KCNT2: variants seen among roughly 807,000 people sequenced by gnomAD.
KCNT2 encodes potassium channel subfamily T member 2.
In KCNT2, 67 loss-of-function variants were observed where a neutral mutation model predicts 153.8. That is an observed-to-expected ratio of 0.44 (90% CI 0.36 to 0.53). The LOEUF is 0.53. KCNT2 is among the 20% of genes least tolerant of loss of function. KCNT2 has a pLI of 0.00. For synonymous variants in KCNT2, 500 were observed against 458.8 expected (o/e 1.09, Z -1.15); for missense variants, 975 against 1,354.8 (o/e 0.72, Z 4.40).
In KCNT2 at chr1:196,333,941, C is replaced by A. The variant is rs760051450; in HGVS notation, c.1903G>T (p.Val635Phe). 1.2e-6 allele frequency: 2 copies of A among 1,612,564 alleles called. No homozygotes were observed. Among genetic ancestry groups the A allele is most frequent in the Non-Finnish European group, 8.5e-7 (1 of 1,179,030 alleles). ...GTTTGAATCGATGATGTATCTGCAA[C>A]CTCTAAAACAGGAGCAATGCTAGGT... Reference protein sequence around the residue: ...RRPSIAPVLEVADTSSIQTCD... With the variant: ...RRPSIAPVLEFADTSSIQTCD... The change falls in exon 17 of 28, where the codon GTT becomes TTT. Residue 635 changes from valine (V) to phenylalanine (F), a missense_variant. Transcript: ENST00000294725.
intron 4 of KCNT2, 148 bp downstream of exon 4, chr1:196,482,182 GA>G (rs1480590344): frequency 1.7e-6 from 1 of 601,554 alleles, no homozygotes; most frequent in Non-Finnish European, 2.9e-6. Flanking sequence ...CAAGAAAAAA[GA>G]AATGAAAATG....
intron 21 of KCNT2, among the ~76,000 whole-genome samples, chr1:196,305,924 T>A (rs1396595055): frequency 1.3e-5 from 2 of 152,122 alleles, no homozygotes; most frequent in Non-Finnish European, 2.9e-5. Context: ...TCCTGAAATT[T>A]TTTTTCACAG....
intron 26 of KCNT2, among the ~76,000 whole-genome samples, chr1:196,244,609 C>G (rs542885566): frequency 6.6e-6 from 1 of 152,028 alleles, no homozygotes; most frequent in Non-Finnish European, 1.5e-5. Context: ...GGAGAGATTT[C>G]TTTGCTTATA....
At chr1:196,599,969 A>G (rs1159799555) in intron 1 of KCNT2, among the ~76,000 whole-genome samples, 2 of 152,216 alleles carry the variant, frequency 1.3e-5, no homozygotes, top group Non-Finnish European at 2.9e-5. Flanking sequence ...TAAGTCTAAT[A>G]TCACTGAACT....
Position 196,497,312 on chromosome 1 carries a change from A to G in KCNT2, c.96-4971T>C, listed in dbSNP as rs549836060. 3.9e-5 allele frequency among the ~76,000 whole-genome samples: 6 copies of G among 152,270 alleles called. No individual in the cohort carries two copies. The East Asian group carries it at 9.7e-4, about 24-fold the overall frequency. ...GCTATTTACATAACTTTCATGTTTT[A>G]TTAGGTATTTAGTAGTACTTAGGTA... On this transcript the variant is annotated intron_variant, in intron 1 of 27. Transcript: ENST00000294725.
rs181977643 is a variant in KCNT2, at chr1:196,553,148, C to T, written c.95+55067G>A. On this transcript the variant is annotated intron_variant, in intron 1 of 27. Transcript: ENST00000294725. ...CCTGAATAGATGAAAAAACAAGACC[C>T]AATGATCTACTGCTTAAAAAAAATC... 3.3e-5 allele frequency among the ~76,000 whole-genome samples: 5 copies of T among 150,704 alleles called. No homozygotes were observed. The East Asian group carries it at 9.8e-4, about 30-fold the overall frequency.
chr1:196,379,210 A>C (rs1669242242), intron 13 of KCNT2, among the ~76,000 whole-genome samples: 1 of 152,122 alleles, frequency 6.6e-6, no homozygotes, highest in Non-Finnish European at 1.5e-5. Context: ...TCAAATATAA[A>C]TCTGTCATTT....
intron 1 of KCNT2, among the ~76,000 whole-genome samples, chr1:196,533,706 T>C (rs12043743): frequency 6.6e-6 from 1 of 152,134 alleles, no homozygotes; most frequent in African/African-American, 2.4e-5. Context: ...ATAATTCTTA[T>C]GTCTTCTATT....
chr1:196,483,283 A>G (rs1679158093), intron 3 of KCNT2, among the ~76,000 whole-genome samples: 1 of 152,154 alleles, frequency 6.6e-6, no homozygotes, highest in Non-Finnish European at 1.5e-5. Flanking sequence ...TTACAACAAA[A>G]TATCTGCAGA....
intron 1 of KCNT2, among the ~76,000 whole-genome samples, chr1:196,597,168 A>G (rs2149019698): frequency 6.6e-6 from 1 of 152,238 alleles, no homozygotes; most frequent in East Asian, 1.9e-4. Flanking sequence ...CAGCCATTCT[A>G]TTATAGTATC....
chr1:196,548,865 T>C (rs1657492254), intron 1 of KCNT2, among the ~76,000 whole-genome samples: 1 of 152,054 alleles, frequency 6.6e-6, no homozygotes, highest in Admixed American at 6.6e-5. Context: ...GGAACATGGA[T>C]GAAATTGGAA....
At chr1:196,346,616 G>C (rs1666166066) in intron 14 of KCNT2, among the ~76,000 whole-genome samples, 1 of 151,870 alleles carries the variant, frequency 6.6e-6, no homozygotes, top group African/African-American at 2.4e-5. Context: ...AATTTTCCTT[G>C]CTTGTCTGAT....
chr1:196,269,557 T>C (rs1657872546), intron 25 of KCNT2, among the ~76,000 whole-genome samples: 1 of 152,126 alleles, frequency 6.6e-6, no homozygotes. Context: ...TATGGGACTA[T>C]ATACAAAAAT....
At chr1:196,342,025 C>T in intron 15 of KCNT2, 54 bp downstream of exon 15, 2 of 1,546,176 alleles carry the variant, frequency 1.3e-6, no homozygotes, top group Non-Finnish European at 1.7e-6. Flanking sequence ...ACTATTTTCA[C>T]ATGATATGCT....
At chr1:196,592,791 T>C (rs1434808850) in intron 1 of KCNT2, among the ~76,000 whole-genome samples, 9 of 148,264 alleles carry the variant, frequency 6.1e-5, no homozygotes, top group Non-Finnish European at 1.3e-4. Context: ...AGAGGGAGTC[T>C]ATAGTCAATA....
In KCNT2 at chr1:196,340,480, G is replaced by A. The variant is rs111402510; in HGVS notation, c.1644C>T (p.Asp548=). ...PGPRYIMNST[D]ICFYINITKE... is the part of the protein sequence containing the mutation. ...TGGTAATATTAATATAAAAGCATAT[G>A]TCTGTAGAATTCATAATGTATCGAG... The change falls in exon 16 of 28, where the codon GAC becomes GAT. Residue 548 remains aspartate (D), a synonymous_variant. Transcript: ENST00000294725. 1.2e-5 allele frequency: 19 copies of A among 1,611,274 alleles called. No individual in the cohort carries two copies. In the African/African-American group the frequency reaches 1.9e-4, roughly 16 times the overall value.
At chr1:196,501,575 A>C (rs1423576791) in intron 1 of KCNT2, among the ~76,000 whole-genome samples, 1 of 152,144 alleles carries the variant, frequency 6.6e-6, no homozygotes, top group Non-Finnish European at 1.5e-5. Context: ...GAAAAACAAG[A>C]AATCGAAGAC....
chr1:196,489,960 T>C, intron 2 of KCNT2, 23 bp from the exon 3 acceptor site: 1 of 1,174,744 alleles, frequency 8.5e-7, no homozygotes, highest in Non-Finnish European at 1.2e-6. Context: ...GATAAAAGTT[T>C]GATTTTCATC....
intron 1 of KCNT2, among the ~76,000 whole-genome samples, chr1:196,518,592 G>A (rs1430706980): frequency 6.6e-6 from 1 of 151,100 alleles, no homozygotes; most frequent in Non-Finnish European, 1.5e-5. Context: ...AATATATCAA[G>A]CAAATAGAAA....
Sources: gnomAD v4.1 joint callset for allele counts (sites outside exome capture counted in the v4.1 genomes callset) on GRCh38, gnomAD v4.1.1 for gene constraint, MANE v1.5 for transcripts, NCBI Gene and HGNC (gene_info 2026-07-23, HGNC 2026-07-21) for gene names.